GSTA5: variants seen among roughly 807,000 people sequenced by gnomAD.
GSTA5 encodes the protein glutathione S-transferase alpha 5, also known as glutathione S-transferase A5.
A neutral mutation model predicts 21.8 loss-of-function variants in GSTA5; 25 were observed. That is an observed-to-expected ratio of 1.14 (90% CI 0.83 to 1.60). The LOEUF is 1.60. GSTA5 is among the 40% of genes most tolerant of loss of function. GSTA5 has a pLI of 0.00. For missense variants in GSTA5, 330 were observed against 259.2 expected (o/e 1.27, Z -1.88); for synonymous variants, 102 against 89.5 (o/e 1.14, Z -0.78).
chr6:52,833,689 G>T (rs1169492524), intron 4 of GSTA5, among the ~76,000 whole-genome samples: 1 of 152,140 alleles, frequency 6.6e-6, no homozygotes, highest in Admixed American at 6.5e-5. Flanking sequence ...AAAAAATACT[G>T]ATCCCTGAAA....
chr6:52,832,944 C>G lies in GSTA5; in HGVS notation c.461G>C (p.Ser154Thr), dbSNP rs143520523. Residue 154 changes from serine to threonine, a missense_variant, in exon 5 of 6, where the codon AGC becomes ACC. Physicochemically the swap from Ser to Thr is moderately conservative, Grantham distance 58. Transcript: ENST00000370989. ...TTCCACCAGGTGAATGTCAGCCCAG[C>G]TCAGCTTGTTGCCAACAAGGTAGTC... 2.7e-3 allele frequency: 4,405 copies of G among 1,614,174 alleles called. 10 individuals are homozygous for G. The highest frequency in any genetic ancestry group is 0.017 in the Middle Eastern group (104 of 6,062).
intron 2 of GSTA5, among the ~76,000 whole-genome samples, chr6:52,836,700 C>T (rs1764299050): frequency 2.0e-5 from 3 of 152,142 alleles, no homozygotes; most frequent in African/African-American, 4.8e-5. Flanking sequence ...TTAGTAGAGA[C>T]GTGATCTCAT....
At chr6:52,842,406 C>CTTTTTTTTTTTTTTTTTTTTTTTTTTTTT (rs3063633), upstream of GSTA5, among the ~76,000 whole-genome samples, 1 of 128,804 alleles carries the variant, frequency 7.8e-6, no homozygotes. Context: ...TAATGTATTT[C>CTTTTTTTTTTTTTTTTTTTTTTTTTTTTT]TTTTTTTTTT....
At chr6:52,832,013 G>C in intron 5 of GSTA5, 43 bp from the exon 6 acceptor site, 1 of 1,579,880 alleles carries the variant, frequency 6.3e-7, no homozygotes, top group Non-Finnish European at 8.6e-7. Context: ...GCCAAGGCCG[G>C]CCACCATCAT....
chr6:52,834,155 G>C (rs1276966919), exon 4 of GSTA5: 1 of 1,614,124 alleles, frequency 6.2e-7, no homozygotes, highest in South Asian at 1.1e-5. Flanking sequence ...TCAAAGGCAG[G>C]GAAGTAGCGA....
chr6:52,833,016 G>A, intron 4 of GSTA5, 26 bp from the exon 5 acceptor site: 1 of 1,613,786 alleles, frequency 6.2e-7, no homozygotes, highest in Non-Finnish European at 8.5e-7. Context: ...AATCAGATCA[G>A]GAACACATGC....
At chr6:52,835,174 C>G (rs1037346260) in intron 3 of GSTA5, among the ~76,000 whole-genome samples, 1 of 152,206 alleles carries the variant, frequency 6.6e-6, no homozygotes, top group Non-Finnish European at 1.5e-5. Context: ...CATTTATCTC[C>G]AAGCCCCACT....
In GSTA5 at chr6:52,834,161, A is replaced by C. The variant is rs770205882; in HGVS notation, c.394T>G (p.Tyr132Asp). 25 of 1,614,102 alleles carry C rather than the reference A, an allele frequency of 1.5e-5. No individual in the cohort carries two copies. Among genetic ancestry groups the C allele is most frequent in the Non-Finnish European group, 1.7e-5 (20 of 1,180,048 alleles). ...CTTACTTTTTCAAAGGCAGGGAAGT[A>C]GCGATTTTTTATTTTCTCTTTGACC... Residue 132 changes from tyrosine (Y) to aspartate (D), a missense_variant, in exon 4 of 6, where the codon TAC (tyrosine) becomes GAC (aspartate). Physicochemically the swap from Tyr to Asp is radical, Grantham distance 160. Coordinates refer to ENST00000370989, the Ensembl canonical transcript of GSTA5.
chr6:52,832,571 G>C (rs4715343), intron 5 of GSTA5, among the ~76,000 whole-genome samples: 146,679 of 152,258 alleles, frequency 0.96, 70,913 homozygotes, highest in East Asian at 1. Context: ...CTCAGGAACA[G>C]AAACCACATT....
At chr6:52,843,119 T>C (rs545476200), upstream of GSTA5, among the ~76,000 whole-genome samples, 1 of 152,326 alleles carries the variant, frequency 6.6e-6, no homozygotes, top group African/African-American at 2.4e-5. Context: ...CCATGGTGTA[T>C]ATGTGGCACA....
chr6:52,836,213 G>T, intron 3 of GSTA5, 23 bp downstream of exon 3: 1 of 1,610,672 alleles, frequency 6.2e-7, no homozygotes, highest in Non-Finnish European at 8.5e-7. Context: ...TCTGTGGATG[G>T]AAGAACAGAA....
upstream of GSTA5, among the ~76,000 whole-genome samples, chr6:52,841,909 TAG>T (rs1764381810): frequency 6.6e-6 from 1 of 152,214 alleles, no homozygotes; most frequent in South Asian, 2.1e-4. Flanking sequence ...AATCTTTCAG[TAG>T]ATTGTGAAAC....
chr6:52,832,392 C>T (rs1486968246), intron 5 of GSTA5, among the ~76,000 whole-genome samples: 2 of 152,128 alleles, frequency 1.3e-5, no homozygotes, highest in Non-Finnish European at 2.9e-5. Flanking sequence ...TTCTCAGTGA[C>T]AGATACAGTG....
At chr6:52,831,874 C>T in exon 6 of GSTA5, 1 of 1,614,058 alleles carries the variant, frequency 6.2e-7, no homozygotes, top group South Asian at 1.1e-5. Context: ...TTCCTTGCTT[C>T]TTCTAAAGAT....
chr6:52,833,612 G>T (rs961186418), intron 4 of GSTA5, among the ~76,000 whole-genome samples: 23 of 152,162 alleles, frequency 1.5e-4, no homozygotes, highest in African/African-American at 4.8e-4. Context: ...CTGCACTGAT[G>T]TCTGCAACTT....
exon 6 of GSTA5, chr6:52,831,870 G>C: frequency 6.2e-7 from 1 of 1,614,038 alleles, no homozygotes; most frequent in South Asian, 1.1e-5. Flanking sequence ...AATCTTCCTT[G>C]CTTCTTCTAA....
At chr6:52,838,332 T>C (rs1764321090) in intron 1 of GSTA5, among the ~76,000 whole-genome samples, 1 of 152,268 alleles carries the variant, frequency 6.6e-6, no homozygotes, top group African/African-American at 2.4e-5. Context: ...TGTCTGAGTA[T>C]GCTAATCTAT....
upstream of GSTA5, among the ~76,000 whole-genome samples, chr6:52,844,267 A>T (rs1481800688): frequency 6.6e-6 from 1 of 152,090 alleles, no homozygotes; most frequent in Non-Finnish European, 1.5e-5. Context: ...CTCCTGTCTG[A>T]TTATGTTGTT....
intron 3 of GSTA5, among the ~76,000 whole-genome samples, chr6:52,835,546 G>A (rs1303278440): frequency 6.6e-6 from 1 of 152,222 alleles, no homozygotes; most frequent in Non-Finnish European, 1.5e-5. Flanking sequence ...TAGAGCAACT[G>A]CTGGGTCATT....
Sources: allele counts gnomAD v4.1 joint callset (sites outside exome capture counted in the v4.1 genomes callset), GRCh38; gene constraint gnomAD v4.1.1; transcripts MANE v1.5; gene names NCBI Gene and HGNC (gene_info 2026-07-23, HGNC 2026-07-21).